The following TENM3 variants were observed in gnomAD, a reference collection of about 807,000 sequenced individuals.
TENM3 encodes the protein teneurin-3.
A neutral mutation model predicts 255.1 loss-of-function variants in TENM3; 63 were observed. The observed-to-expected ratio is 0.25, with a 90% CI of 0.20 to 0.30. The LOEUF is 0.30. Ranked by LOEUF, TENM3 falls within the 10% of genes least tolerant of loss-of-function variation. TENM3 has a pLI of 1.00. For synonymous variants in TENM3, 1,306 were observed against 1,322.3 expected (o/e 0.99, Z 0.27); for missense variants, 2,929 against 3,461.1 (o/e 0.85, Z 3.86).
chr4:181,717,804 T>A, the TENM3 span, among the ~76,000 whole-genome samples: 1 of 152,134 alleles, frequency 6.6e-6, no homozygotes, highest in African/African-American at 2.4e-5. Context: ...AAAAACCAAT[T>A]CAATCGTATT....
rs78406202 is a variant in TENM3 at position 182,289,133 on chromosome 4, C to T, written c.-75-34813C>T. 1.7e-4 allele frequency among the ~76,000 whole-genome samples: 26 copies of T among 152,272 alleles called. No homozygotes were observed. In the East Asian group the frequency reaches 4.4e-3, roughly 26 times the overall value. On this transcript the variant is annotated intron_variant, in intron 1 of 27. Coordinates refer to ENST00000511685, the MANE Select transcript of TENM3 (RefSeq NM_001080477.4). ...TAGTCCCAGCTACTCTGGAGGCTGA[C>T]GTGGAAGGATCACTTGAGCCTGGCA... is the stretch of plus-strand genomic sequence containing the variant.
chr4:181,568,915 G>A, the TENM3 span, among the ~76,000 whole-genome samples: 3 of 152,174 alleles, frequency 2.0e-5, no homozygotes, highest in Admixed American at 6.5e-5. Context: ...CACTCCCCAA[G>A]GGTAGGGATT....
intron 12 of TENM3, among the ~76,000 whole-genome samples, chr4:182,691,907 C>G (rs2152599266): frequency 1.3e-5 from 2 of 152,262 alleles, no homozygotes; most frequent in South Asian, 4.2e-4. Flanking sequence ...TATAGATGCT[C>G]CACTACAAAA....
chr4:182,534,574 A>C (rs927863753), intron 3 of TENM3, among the ~76,000 whole-genome samples: 1 of 152,186 alleles, frequency 6.6e-6, no homozygotes, highest in African/African-American at 2.4e-5. Flanking sequence ...ACTGGAGTTC[A>C]TTATTTTATA....
chr4:182,714,257 C>G, intron 13 of TENM3, 24 bp downstream of exon 13: 1 of 1,551,142 alleles, frequency 6.4e-7, no homozygotes, highest in Non-Finnish European at 8.7e-7. Context: ...AGCATGAACA[C>G]GAGTCTGTGC....
chr4:181,957,405 G>A, the TENM3 span, among the ~76,000 whole-genome samples: 2 of 152,168 alleles, frequency 1.3e-5, no homozygotes, highest in East Asian at 1.9e-4. Context: ...ATTAATTAAG[G>A]TCAAATCCCA....
At chr4:182,764,100 C>T (rs1763453065) in intron 22 of TENM3, among the ~76,000 whole-genome samples, 1 of 152,196 alleles carries the variant, frequency 6.6e-6, no homozygotes, top group South Asian at 2.1e-4. Context: ...AGCAGCTATG[C>T]CACCTAAAAG....
the TENM3 span, among the ~76,000 whole-genome samples, chr4:181,537,724 G>T: frequency 7.9e-5 from 12 of 152,154 alleles, no homozygotes; most frequent in Non-Finnish European, 1.6e-4. Context: ...TCAAGGTCAC[G>T]CAACTAACAA....
intron 3 of TENM3, among the ~76,000 whole-genome samples, chr4:182,583,019 G>C (rs1745653050): frequency 6.6e-6 from 1 of 152,172 alleles, no homozygotes; most frequent in Non-Finnish European, 1.5e-5. Flanking sequence ...GGGCAAAGCT[G>C]GATAAGAATG....
At chr4:181,630,947 A>G in the TENM3 span, among the ~76,000 whole-genome samples, 1 of 152,168 alleles carries the variant, frequency 6.6e-6, no homozygotes, top group African/African-American at 2.4e-5. Context: ...AGCTCGAAAC[A>G]TACCCACTTA....
intron 7 of TENM3, among the ~76,000 whole-genome samples, chr4:182,673,700 A>T (rs1182309794): frequency 6.6e-6 from 1 of 152,236 alleles, no homozygotes; most frequent in African/African-American, 2.4e-5. Context: ...GAGCTTTATC[A>T]ACTCAGGCGC....
At chr4:182,503,300 T>C (rs1736499160) in intron 3 of TENM3, among the ~76,000 whole-genome samples, 2 of 152,164 alleles carry the variant, frequency 1.3e-5, no homozygotes, top group Admixed American at 1.3e-4. Context: ...GCCATTTGTC[T>C]TACAGGGACA....
intron 5 of TENM3, among the ~76,000 whole-genome samples, chr4:182,643,303 A>G (rs1021224492): frequency 6.6e-6 from 1 of 152,224 alleles, no homozygotes; most frequent in Admixed American, 6.5e-5. Context: ...AAAGCCCAAG[A>G]TATCCAAGGA....
At chr4:181,778,578 C>T in the TENM3 span, among the ~76,000 whole-genome samples, 2 of 152,168 alleles carry the variant, frequency 1.3e-5, no homozygotes, top group East Asian at 1.9e-4. Flanking sequence ...CCACTTTCTC[C>T]TAATGTTTCA....
chr4:181,980,351 G>A, the TENM3 span: 2 of 151,916 alleles, frequency 1.3e-5, no homozygotes, highest in African/African-American at 4.8e-5. Context: ...GGGAAGTTGT[G>A]GTCTGGAAGG....
intron 1 of TENM3, among the ~76,000 whole-genome samples, chr4:182,156,445 G>T (rs960918582): frequency 6.6e-6 from 1 of 152,056 alleles, no homozygotes; most frequent in African/African-American, 2.4e-5. Flanking sequence ...GGGTACGGAT[G>T]ATCTCGTCAC....
At chr4:182,411,724 C>T (rs1770000410) in intron 3 of TENM3, among the ~76,000 whole-genome samples, 3 of 152,114 alleles carry the variant, frequency 2.0e-5, no homozygotes, top group African/African-American at 4.8e-5. Context: ...CCGTACTATG[C>T]GTTATTTTGA....
chr4:181,917,428 A>C, the TENM3 span, among the ~76,000 whole-genome samples: 1 of 152,122 alleles, frequency 6.6e-6, no homozygotes, highest in Non-Finnish European at 1.5e-5. Flanking sequence ...AAACGTTCCA[A>C]GTAGGCATTC....
the TENM3 span, among the ~76,000 whole-genome samples, chr4:181,473,992 ATTTTAAAAT>A: frequency 4.6e-5 from 7 of 151,794 alleles, no homozygotes; most frequent in Non-Finnish European, 8.8e-5. Context: ...AATTTTAAAA[ATTTTAAAAT>A]ACAAATACAT....
Sources: allele counts gnomAD v4.1 joint callset (sites outside exome capture counted in the v4.1 genomes callset), GRCh38; gene constraint gnomAD v4.1.1; transcripts MANE v1.5; gene names NCBI Gene and HGNC (gene_info 2026-07-23, HGNC 2026-07-21).